RGS6: variants seen among roughly 807,000 people sequenced by gnomAD.
The protein encoded by RGS6 is regulator of G protein signaling 6, also known as regulator of G-protein signaling 6.
RGS6 carries 30 observed loss-of-function variants against 78.5 expected under a neutral mutation model. The observed-to-expected ratio is 0.38, with a 90% CI of 0.29 to 0.52. The LOEUF is 0.52. RGS6 is among the 20% of genes least tolerant of loss of function. The pLI, the probability that RGS6 is intolerant of heterozygous loss-of-function variation, is 0.85. For missense variants in RGS6, 495 were observed against 609.7 expected (o/e 0.81, Z 1.98); for synonymous variants, 206 against 206.0 (o/e 1.00, Z 0.00).
intron 2 of RGS6, among the ~76,000 whole-genome samples, chr14:72,306,669 A>T (rs1454224552): frequency 1.3e-5 from 2 of 152,234 alleles, no homozygotes; most frequent in Non-Finnish European, 2.9e-5. Flanking sequence ...AGGTGGAAAT[A>T]GCAAAAGAAC....
chr14:72,430,245 C>T (rs1014483512), intron 3 of RGS6, among the ~76,000 whole-genome samples: 13 of 152,202 alleles, frequency 8.5e-5, no homozygotes, highest in Admixed American at 7.2e-4. Flanking sequence ...TTCGCTCACA[C>T]GTGATAGATA....
At chr14:72,005,829 T>C (rs954763633) in intron 2 of RGS6, among the ~76,000 whole-genome samples, 1 of 152,182 alleles carries the variant, frequency 6.6e-6, no homozygotes, top group African/African-American at 2.4e-5. Context: ...ATTCTGACTC[T>C]TGCATTTGTT....
In RGS6 at chr14:72,458,260, T is replaced by G. The variant is rs1277647736; in HGVS notation, c.236-11T>G. On this transcript the variant is annotated splice_polypyrimidine_tract_variant and intron_variant, in intron 4 of 17. Coordinates refer to ENST00000553525, the MANE Select transcript of RGS6 (RefSeq NM_001204424.2). ...TCTAATTCCTTCTCTCTCTATGCAC[T>G]GTTCTTACAGTTGAAGCAATACACT... is the stretch of plus-strand genomic sequence containing the variant. 3 of 1,603,458 alleles carry G rather than the reference T, an allele frequency of 1.9e-6. No individual in the cohort carries two copies. In the East Asian group the frequency reaches 6.7e-5, roughly 36 times the overall value.
the RGS6 span, among the ~76,000 whole-genome samples, chr14:72,583,874 T>C: frequency 6.6e-6 from 1 of 152,146 alleles, no homozygotes; most frequent in Non-Finnish European, 1.5e-5. Context: ...CTGCACTGGG[T>C]CCAGAGCTGT....
In RGS6 at chr14:72,465,602, T is replaced by A. The variant is rs200980600; in HGVS notation, c.395-156T>A. Among the ~76,000 whole-genome samples, 6,750 of 94,674 alleles carry A rather than the reference T, an allele frequency of 0.071. 118 individuals are homozygous for A. Among genetic ancestry groups the A allele is most frequent in the Middle Eastern group, 0.1 (18 of 172 alleles). The allele number at this position is 94,674 out of a possible 152,430, so 62.1% of individuals were successfully genotyped here. A position where few individuals can be genotyped will look rare whatever the true frequency, so the allele number is the denominator to read the frequency against. On this transcript the variant is annotated intron_variant, in intron 6 of 17. Coordinates refer to ENST00000553525, the MANE Select transcript of RGS6 (RefSeq NM_001204424.2). The stretch of plus-strand genomic sequence containing the variant: ...GATGGATGGATGGATGGATGGATGG[T>A]TGGGTGGATGGGTGGATGGGTGGAT...
At chr14:72,051,851 C>T (rs1009671202) in intron 2 of RGS6, among the ~76,000 whole-genome samples, 1 of 152,136 alleles carries the variant, frequency 6.6e-6, no homozygotes, top group Non-Finnish European at 1.5e-5. Context: ...TAAAACAGAG[C>T]GACCTGACCA....
intron 2 of RGS6, among the ~76,000 whole-genome samples, chr14:72,183,026 G>C (rs1031209598): frequency 3.0e-4 from 46 of 152,298 alleles, no homozygotes; most frequent in African/African-American, 1.0e-3. Context: ...AGAAACATTT[G>C]ATAGAGACCA....
intron 2 of RGS6, among the ~76,000 whole-genome samples, chr14:72,311,452 A>C (rs1358080319): frequency 6.6e-6 from 1 of 152,188 alleles, no homozygotes; most frequent in Non-Finnish European, 1.5e-5. Context: ...TCAAAGTGGG[A>C]TAATCCTACG....
chr14:72,416,378 T>A (rs185420456), intron 3 of RGS6, among the ~76,000 whole-genome samples: 1 of 152,352 alleles, frequency 6.6e-6, no homozygotes, highest in East Asian at 1.9e-4. Context: ...CTTTCAGCTC[T>A]GAATGAGAAA....
rs77135136 is a variant in RGS6 at position 72,066,077 on chromosome 14, T to A, written c.84+101202T>A. On this transcript the variant is annotated intron_variant, in intron 2 of 17. Transcript: ENST00000553525. The stretch of plus-strand genomic sequence containing the variant: ...TGAGATCAGTGTGTACTGCAAATGT[T>A]TGGGAAGATATCTTCTTTCTGTGGA... 2.6e-3 allele frequency among the ~76,000 whole-genome samples: 398 copies of A among 152,274 alleles called. 3 individuals are homozygous for A. The highest frequency in any genetic ancestry group is 9.2e-3 in the African/African-American group (381 of 41,550).
At chr14:72,509,136 G>A (rs968135614) in intron 13 of RGS6, among the ~76,000 whole-genome samples, 3 of 151,912 alleles carry the variant, frequency 2.0e-5, no homozygotes, top group Non-Finnish European at 2.9e-5. Flanking sequence ...AGGCTGAGGC[G>A]GGTGGATCAC....
intron 2 of RGS6, among the ~76,000 whole-genome samples, chr14:72,054,917 A>T (rs1358676776): frequency 6.6e-6 from 1 of 152,190 alleles, no homozygotes; most frequent in Non-Finnish European, 1.5e-5. Flanking sequence ...TCAGCCTTAT[A>T]TTCCTAAGAT....
rs554471607 is a variant in RGS6 at position 72,369,644 on chromosome 14, T to G, written c.184+17450T>G. Among the ~76,000 whole-genome samples the G allele has an allele frequency of 6.6e-5, 10 of 152,296 alleles. No homozygotes were observed. The East Asian group carries it at 1.9e-3, about 29-fold the overall frequency. On this transcript the variant is annotated intron_variant, in intron 3 of 17. Transcript: ENST00000553525. Reference sequence around the variant, plus strand: ...AAGTTTTATTTGAAAAAATATAGATTATAATATTAATTTTGAAAGCAAATT... The same window carrying G: ...AAGTTTTATTTGAAAAAATATAGATGATAATATTAATTTTGAAAGCAAATT...
intron 2 of RGS6, among the ~76,000 whole-genome samples, chr14:72,115,754 T>A (rs1314878351): frequency 6.6e-6 from 1 of 152,256 alleles, no homozygotes; most frequent in East Asian, 1.9e-4. Flanking sequence ...GGGTCTATAC[T>A]AACCCAGAAC....
At chr14:72,026,634 G>A (rs778256964) in intron 2 of RGS6, among the ~76,000 whole-genome samples, 4 of 152,136 alleles carry the variant, frequency 2.6e-5, no homozygotes, top group African/African-American at 9.7e-5. Context: ...GTCAACCCAC[G>A]TGTGCCTCTG....
At chr14:71,991,685 C>G (rs1426441191) in intron 2 of RGS6, among the ~76,000 whole-genome samples, 1 of 152,196 alleles carries the variant, frequency 6.6e-6, no homozygotes, top group Non-Finnish European at 1.5e-5. Context: ...TTTCTAGGTA[C>G]ATATTTTAAC....
chr14:72,348,282 C>G (rs1566588781), intron 2 of RGS6, among the ~76,000 whole-genome samples: 1 of 152,208 alleles, frequency 6.6e-6, no homozygotes. Context: ...GAATCCTGGC[C>G]TTGCCACTTA....
intron 17 of RGS6, among the ~76,000 whole-genome samples, chr14:72,542,754 A>T (rs1350711518): frequency 6.6e-6 from 1 of 152,236 alleles, no homozygotes; most frequent in Non-Finnish European, 1.5e-5. Context: ...TCCCCAGAAC[A>T]TGCCAATGTC....
chr14:72,443,071 G>T (rs933526210), intron 3 of RGS6, among the ~76,000 whole-genome samples: 1 of 152,168 alleles, frequency 6.6e-6, no homozygotes, highest in African/African-American at 2.4e-5. Context: ...GGGCAGAAAG[G>T]CTAAATTATA....
Sources: allele counts gnomAD v4.1 joint callset (sites outside exome capture counted in the v4.1 genomes callset), GRCh38; gene constraint gnomAD v4.1.1; transcripts MANE v1.5; gene names NCBI Gene and HGNC (gene_info 2026-07-23, HGNC 2026-07-21).